The following MZT1 variants were observed in gnomAD, a reference collection of about 807,000 sequenced individuals.
MZT1 encodes the protein mitotic spindle organizing protein 1, also known as mitotic-spindle organizing protein 1.
In MZT1, 8 loss-of-function variants were observed where a neutral mutation model predicts 8.5. That is an observed-to-expected ratio of 0.94 (90% CI 0.55 to 1.70). The LOEUF (loss-of-function observed/expected upper bound fraction) is 1.70. Among genes scored for constraint, MZT1 ranks in the 40% most tolerant of loss-of-function variants. The pLI, the probability that MZT1 is intolerant of heterozygous loss-of-function variation, is 0.00. For synonymous variants in MZT1, 38 were observed against 42.0 expected (o/e 0.90, Z 0.37); for missense variants, 93 against 108.6 (o/e 0.86, Z 0.64).
chr13:72,713,454 ATT>A lies in MZT1; in HGVS notation c.226-3111_226-3110del, dbSNP rs2032506658. Among the ~76,000 whole-genome samples the A allele has an allele frequency of 3.3e-5, 5 of 152,286 alleles. No homozygotes were observed. The South Asian group carries it at 1.0e-3, about 32-fold the overall frequency. ...AATGCCTTATATAAAAGGGTATAGT[ATT>A]TGCATATAACCTACATGTATCCTCC... On this transcript the variant is annotated intron_variant, in intron 2 of 2. Transcript: ENST00000377818.
In MZT1 at chr13:72,710,300, T is replaced by C. The variant is rs1409109424; in HGVS notation, c.*22A>G. On this transcript the variant is annotated 3_prime_UTR_variant, in exon 3 of 3. Coordinates refer to ENST00000377818, the MANE Select transcript of MZT1 (RefSeq NM_001071775.3). Reference sequence around the variant, plus strand: ...ACCCTCTTGCAGAGCTTGACATATCTCATCAGAATTTCTCCAGAAAGTCAG... The same window carrying C: ...ACCCTCTTGCAGAGCTTGACATATCCCATCAGAATTTCTCCAGAAAGTCAG... The C allele has an allele frequency of 6.2e-7, 1 of 1,612,208 alleles. No homozygotes were observed. Among genetic ancestry groups the C allele is most frequent in the Non-Finnish European group, 8.5e-7 (1 of 1,178,618 alleles).
chr13:72,724,701 AATATATAT>A (rs71198160), intron 1 of MZT1, among the ~76,000 whole-genome samples: 2 of 32,642 alleles, frequency 6.1e-5, no homozygotes, highest in African/African-American at 1.1e-4. Context: ...CTTACTACTA[AATATATAT>A]ATATATATAC....
intron 1 of MZT1, among the ~76,000 whole-genome samples, chr13:72,723,058 C>T (rs1461020086): frequency 1.3e-5 from 2 of 152,108 alleles, no homozygotes; most frequent in South Asian, 2.1e-4. Flanking sequence ...TTCTATGATG[C>T]TTCTAACAGT....
At chr13:72,721,631 C>G (rs1278567414) in intron 1 of MZT1, among the ~76,000 whole-genome samples, 1 of 152,224 alleles carries the variant, frequency 6.6e-6, no homozygotes, top group Non-Finnish European at 1.5e-5. Context: ...ACTGGGTTCT[C>G]CCTGCTATAC....
chr13:72,721,676 G>A (rs2032594986), intron 1 of MZT1, among the ~76,000 whole-genome samples: 1 of 152,156 alleles, frequency 6.6e-6, no homozygotes, highest in African/African-American at 2.4e-5. Context: ...AGTGAGCTGG[G>A]GCAACCCAAG....
intron 1 of MZT1, among the ~76,000 whole-genome samples, chr13:72,724,182 C>T (rs2032616545): frequency 6.6e-6 from 1 of 152,070 alleles, no homozygotes; most frequent in South Asian, 2.1e-4. Context: ...TGGAAAGCTA[C>T]TGGATGATAT....
chr13:72,725,796 A>T (rs908820345), intron 1 of MZT1, among the ~76,000 whole-genome samples: 1 of 152,116 alleles, frequency 6.6e-6, no homozygotes, highest in African/African-American at 2.4e-5. Flanking sequence ...CATATACATA[A>T]GGAACCTAAG....
chr13:72,711,703 C>A (rs368494343), intron 2 of MZT1, among the ~76,000 whole-genome samples: 153 of 145,450 alleles, frequency 1.1e-3, no homozygotes, highest in East Asian at 2.2e-3. Context: ...AAGAAATTAA[C>A]AAAAAAAAAA....
chr13:72,722,365 C>CA (rs2032600144), intron 1 of MZT1, among the ~76,000 whole-genome samples: 1 of 152,170 alleles, frequency 6.6e-6, no homozygotes, highest in African/African-American at 2.4e-5. Context: ...CACTGCCTTG[C>CA]AGTCCTTTGG....
intron 2 of MZT1, among the ~76,000 whole-genome samples, chr13:72,718,081 TTTGA>T (rs2138012017): frequency 6.6e-6 from 1 of 152,322 alleles, no homozygotes; most frequent in Admixed American, 6.5e-5. Flanking sequence ...CTATTTACAG[TTTGA>T]AGGCCAGAAA....
In MZT1 at chr13:72,726,614, C is replaced by A. The variant is rs144413477; in HGVS notation, c.79+910G>T. ...CAGGTGGATGTGAGTAAAAAGGAGACAAAGAAAGAAGACTACAAGAGAGAG... is the reference window on the plus strand; with the variant it reads ...CAGGTGGATGTGAGTAAAAAGGAGAAAAAGAAAGAAGACTACAAGAGAGAG... On this transcript the variant is annotated intron_variant, in intron 1 of 2. Coordinates refer to ENST00000377818, the MANE Select transcript of MZT1 (RefSeq NM_001071775.3). 3.6e-4 allele frequency among the ~76,000 whole-genome samples: 54 copies of A among 151,570 alleles called. No individual in the cohort carries two copies. The South Asian group carries it at 5.2e-3, about 15-fold the overall frequency.
At chr13:72,719,691 T>C (rs996078170) in intron 1 of MZT1, among the ~76,000 whole-genome samples, 5 of 152,202 alleles carry the variant, frequency 3.3e-5, no homozygotes, top group African/African-American at 1.2e-4. Flanking sequence ...TTAGAAACTT[T>C]TATAACAATT....
intron 1 of MZT1, among the ~76,000 whole-genome samples, chr13:72,721,106 T>A (rs1409433579): frequency 6.6e-6 from 1 of 152,200 alleles, no homozygotes; most frequent in Non-Finnish European, 1.5e-5. Flanking sequence ...TATCTGGTAA[T>A]CTTTGATTGG....
Position 72,708,454 on chromosome 13 carries a change from C to G in MZT1, c.*1868G>C, listed in dbSNP as rs1435765803. 1.3e-5 allele frequency: 2 copies of G among 152,458 alleles called. No homozygotes were observed. The highest frequency in any genetic ancestry group is 2.9e-5 in the Non-Finnish European group (2 of 68,006). The allele number at this position is 152,458 out of a possible 1,614,324, so 9.4% of individuals were successfully genotyped here. On this transcript the variant is annotated 3_prime_UTR_variant, in exon 3 of 3. Coordinates refer to ENST00000377818, the MANE Select transcript of MZT1 (RefSeq NM_001071775.3). ...ATTTTGTTTAGTTTCTTAAATATTA[C>G]TTAAGTATGCATTAAAAATATGTTT...
At chr13:72,717,369 C>T (rs1401157257) in intron 2 of MZT1, among the ~76,000 whole-genome samples, 2 of 138,292 alleles carry the variant, frequency 1.4e-5, no homozygotes, top group East Asian at 2.1e-4. Context: ...GATGGAGTTT[C>T]GCTCCTGTTG....
In MZT1 at chr13:72,710,253, T is replaced by A; in HGVS notation, c.*69A>T. Reference sequence around the variant, plus strand: ...CATGCAGTAATTTCATTGTACATTCTCAACTACAATGCAATCTTCAAACCC... The same window carrying A: ...CATGCAGTAATTTCATTGTACATTCACAACTACAATGCAATCTTCAAACCC... On this transcript the variant is annotated 3_prime_UTR_variant, in exon 3 of 3. Transcript: ENST00000377818. 6.6e-7 allele frequency: 1 copy of A among 1,506,064 alleles called. No homozygotes were observed. The highest frequency in any genetic ancestry group is 9.2e-7 in the Non-Finnish European group (1 of 1,086,640). The allele number at this position is 1,506,064 out of a possible 1,614,324, so 93.3% of individuals were successfully genotyped here. A position where few individuals can be genotyped will look rare whatever the true frequency, so the allele number is the denominator to read the frequency against.
rs1211982924 is a variant in MZT1 at position 72,708,549 on chromosome 13, C to T, written c.*1773G>A. On this transcript the variant is annotated 3_prime_UTR_variant, in exon 3 of 3. Coordinates refer to ENST00000377818, the MANE Select transcript of MZT1 (RefSeq NM_001071775.3). ...GATCCCTTCTCAATATATTTTCCTG[C>T]TTTGTTTCATACATAAATAACTTAA... The T allele has an allele frequency of 6.6e-6, 1 of 152,548 alleles. No homozygotes were observed. The highest frequency in any genetic ancestry group is 1.5e-5 in the Non-Finnish European group (1 of 68,024). 9.4% of individuals were successfully genotyped at this position (152,548 alleles called of 1,614,324 possible).
At chr13:72,718,711 C>G (rs1381525886) in intron 2 of MZT1, among the ~76,000 whole-genome samples, 1 of 151,946 alleles carries the variant, frequency 6.6e-6, no homozygotes, top group Non-Finnish European at 1.5e-5. Flanking sequence ...GATCTCCTGA[C>G]CTCATGATCC....
chr13:72,711,384 A>T (rs890229657), intron 2 of MZT1, among the ~76,000 whole-genome samples: 3 of 152,174 alleles, frequency 2.0e-5, no homozygotes, highest in African/African-American at 7.2e-5. Flanking sequence ...AGGGAGATAC[A>T]TAGCTAGCTA....
Sources: allele counts gnomAD v4.1 joint callset (sites outside exome capture counted in the v4.1 genomes callset), GRCh38; gene constraint gnomAD v4.1.1; transcripts MANE v1.5; gene names NCBI Gene and HGNC (gene_info 2026-07-23, HGNC 2026-07-21).